Variants in CSMD1 observed in about 807,000 individuals in gnomAD.
CSMD1 encodes the protein CUB and sushi domain-containing protein 1.
CSMD1 carries 213 observed loss-of-function variants against 417.5 expected under a neutral mutation model. The observed-to-expected ratio is 0.51, with a 90% CI of 0.46 to 0.57. The LOEUF (loss-of-function observed/expected upper bound fraction) is 0.57, where lower values mean the gene tolerates loss of function less well. CSMD1 is among the 20% of genes least tolerant of loss of function. The pLI is 0.00. For missense variants in CSMD1, 6,923 were observed against 4,529.7 expected, an observed-to-expected ratio of 1.53 and a Z score of -15.17; for synonymous variants, 2,862 against 1,736.8, an observed-to-expected ratio of 1.65 and a Z score of -16.11.
chr8:3,424,423 C>G (rs1170876556), intron 12 of CSMD1, among the ~76,000 whole-genome samples: 2 of 152,170 alleles, frequency 1.3e-5, no homozygotes, highest in African/African-American at 4.8e-5. Flanking sequence ...AAACATACCA[C>G]AAGGTAGCAC....
Position 4,155,128 on chromosome 8 carries a change from G to A in CSMD1, c.416-123029C>T, listed in dbSNP as rs530947610. Among the ~76,000 whole-genome samples the A allele has an allele frequency of 1.4e-4, 21 of 152,248 alleles. 1 individual carries two copies. The highest frequency in any genetic ancestry group is 4.3e-4 in the African/African-American group (18 of 41,540). On this transcript the variant is annotated intron_variant, in intron 3 of 69. Transcript: ENST00000635120. ...GGCCACATGACGCGCATGCACTATTGTTCCCATGCTACAGATGAGATAAAA... is the reference window on the plus strand; with the variant it reads ...GGCCACATGACGCGCATGCACTATTATTCCCATGCTACAGATGAGATAAAA...
At chr8:3,456,769 T>A (rs1363031646) in intron 12 of CSMD1, among the ~76,000 whole-genome samples, 1 of 152,100 alleles carries the variant, frequency 6.6e-6, no homozygotes, top group Admixed American at 6.5e-5. Flanking sequence ...AGCCTGCAGA[T>A]GACCCATCCC....
intron 23 of CSMD1, among the ~76,000 whole-genome samples, chr8:3,319,211 T>C (rs1325922246): frequency 2.0e-5 from 3 of 152,232 alleles, no homozygotes; most frequent in Non-Finnish European, 4.4e-5. Flanking sequence ...TTTCTGTTTT[T>C]AGCTCCAAAA....
At chr8:3,471,303 C>A (rs558678884) in intron 11 of CSMD1, among the ~76,000 whole-genome samples, 1 of 152,130 alleles carries the variant, frequency 6.6e-6, no homozygotes, top group African/African-American at 2.4e-5. Flanking sequence ...CTCTTTTCCT[C>A]CTTTTAAATA....
At position 4,355,881 on chromosome 8, in the gene CSMD1, T is replaced by G. The variant is rs566947605; in HGVS notation, c.415+64072A>C. On this transcript the variant is annotated intron_variant, in intron 3 of 69. Transcript: ENST00000635120. ...GAGGATGGGAACCAGGCCTTGCCAT[T>G]TAAACAGCGCAGGTGAGTCTCATGA... 3.3e-5 allele frequency among the ~76,000 whole-genome samples: 5 copies of G among 152,324 alleles called. No individual in the cohort carries two copies. In the East Asian group the frequency reaches 5.8e-4, roughly 18 times the overall value.
At chr8:3,264,205 A>T (rs1801276254) in intron 26 of CSMD1, among the ~76,000 whole-genome samples, 2 of 152,210 alleles carry the variant, frequency 1.3e-5, no homozygotes, top group Admixed American at 6.5e-5. Flanking sequence ...TGAGGAAGTA[A>T]TTATTAGATT....
chr8:4,146,466 T>C (rs1265027975), intron 3 of CSMD1, among the ~76,000 whole-genome samples: 1 of 150,558 alleles, frequency 6.6e-6, no homozygotes, highest in Non-Finnish European at 1.5e-5. Flanking sequence ...GAGTTAACAA[T>C]GTTGAAAAGG....
At chr8:4,200,849 C>T (rs531716465) in intron 3 of CSMD1, among the ~76,000 whole-genome samples, 1 of 151,978 alleles carries the variant, frequency 6.6e-6, no homozygotes, top group Admixed American at 6.6e-5. Flanking sequence ...CAAAGTGAAA[C>T]CCTGTCTCAA....
At chr8:2,999,748 A>G (rs1440648130) in intron 53 of CSMD1, among the ~76,000 whole-genome samples, 1 of 149,890 alleles carries the variant, frequency 6.7e-6, no homozygotes, top group Admixed American at 6.6e-5. Context: ...CAGGAAAAGG[A>G]GTTTGAAGGA....
intron 1 of CSMD1, among the ~76,000 whole-genome samples, chr8:4,913,451 T>G (rs971283555): frequency 2.6e-5 from 4 of 152,180 alleles, no homozygotes; most frequent in Non-Finnish European, 5.9e-5. Context: ...CACTGAATGC[T>G]ATTAATGGCC....
chr8:3,920,526 T>G (rs868282483), intron 5 of CSMD1, among the ~76,000 whole-genome samples: 1 of 152,166 alleles, frequency 6.6e-6, no homozygotes, highest in African/African-American at 2.4e-5. Flanking sequence ...TTAAGTACGT[T>G]TGGCACGAGT....
At chr8:4,791,896 C>T (rs560341267) in intron 1 of CSMD1, among the ~76,000 whole-genome samples, 1 of 151,664 alleles carries the variant, frequency 6.6e-6, no homozygotes, top group South Asian at 2.1e-4. Context: ...ACAATTGGTT[C>T]ATCTTATTCG....
rs1803955827 is a variant in CSMD1 at position 4,262,461 on chromosome 8, A to C, written c.415+157492T>G. On this transcript the variant is annotated intron_variant, in intron 3 of 69. Transcript: ENST00000635120. ...CATGTTCCCCGCGCAGTGCAGGCAA[A>C]GACAGATATTATATTTCCCTTGCTA... 2.0e-5 allele frequency among the ~76,000 whole-genome samples: 3 copies of C among 152,218 alleles called. No individual in the cohort carries two copies. The South Asian group carries it at 6.2e-4, about 32-fold the overall frequency.
At chr8:4,544,180 A>G (rs2130530649) in intron 2 of CSMD1, among the ~76,000 whole-genome samples, 1 of 152,244 alleles carries the variant, frequency 6.6e-6, no homozygotes, top group South Asian at 2.1e-4. Context: ...GTATGTAAAA[A>G]CCATTGCCAA....
At chr8:4,385,690 G>T (rs1005415794) in intron 3 of CSMD1, among the ~76,000 whole-genome samples, 2 of 152,128 alleles carry the variant, frequency 1.3e-5, no homozygotes, top group African/African-American at 4.8e-5. Flanking sequence ...GCTAAAAATA[G>T]TAATATAGTA....
intron 5 of CSMD1, among the ~76,000 whole-genome samples, chr8:3,848,267 T>G (rs1803649307): frequency 6.6e-6 from 1 of 152,172 alleles, no homozygotes; most frequent in Non-Finnish European, 1.5e-5. Context: ...GACCCAAGTG[T>G]TCTGCCCAAC....
intron 5 of CSMD1, among the ~76,000 whole-genome samples, chr8:3,781,233 C>T (rs1012949576): frequency 2.0e-5 from 3 of 152,094 alleles, no homozygotes; most frequent in Admixed American, 6.5e-5. Context: ...TGCACCTGTT[C>T]AATTTTGTGA....
intron 5 of CSMD1, among the ~76,000 whole-genome samples, chr8:3,849,210 G>A (rs735485): frequency 0.029 from 4,370 of 152,204 alleles, 92 homozygotes; most frequent in African/African-American, 0.065. Context: ...GGGAATGGTT[G>A]ATGAGAAAAT....
At chr8:3,998,438 T>C (rs77071245) in intron 4 of CSMD1, among the ~76,000 whole-genome samples, 111 of 152,324 alleles carry the variant, frequency 7.3e-4, no homozygotes, top group African/African-American at 2.5e-3. Flanking sequence ...CTCCGAATCC[T>C]GGAAGATGAC....
Sources: allele counts gnomAD v4.1 joint callset (sites outside exome capture counted in the v4.1 genomes callset), GRCh38; gene constraint gnomAD v4.1.1; transcripts MANE v1.5; gene names NCBI Gene and HGNC (gene_info 2026-07-23, HGNC 2026-07-21).